RNF130: variants seen among roughly 807,000 people sequenced by gnomAD.
RNF130 encodes the protein E3 ubiquitin-protein ligase RNF130.
In RNF130, 21 loss-of-function variants were observed where a neutral mutation model predicts 44.6. That is an observed-to-expected ratio of 0.47 (90% confidence interval 0.33 to 0.68). The LOEUF is 0.68. Among genes scored for constraint, RNF130 ranks in the 30% least tolerant of loss-of-function variants. The pLI is 0.02. For synonymous variants in RNF130, 214 were observed against 210.4 expected (o/e 1.02, Z -0.15); for missense variants, 479 against 560.6 (o/e 0.85, Z 1.47).
rs530489474 is a variant in RNF130 at position 179,945,451 on chromosome 5, A to G, written c.1150+21355T>C. Among the ~76,000 whole-genome samples, 4 of 152,348 alleles carry G rather than the reference A, an allele frequency of 2.6e-5. No homozygotes were observed. In the South Asian group the frequency reaches 8.3e-4, roughly 32 times the overall value. On this transcript the variant is annotated intron_variant, in intron 7 of 7. Coordinates refer to the RNF130 transcript ENST00000522208. ...AGTTCATCTTTTCATACAAGGAAAG[A>G]GAAAACATTGCTGAGCAACACTAAA...
intron 7 of RNF130, among the ~76,000 whole-genome samples, chr5:179,926,865 A>G (rs1264010498): frequency 4.6e-5 from 7 of 152,150 alleles, no homozygotes; most frequent in Non-Finnish European, 1.0e-4. Flanking sequence ...ATTTCCAGGT[A>G]GACAGCGTTG....
intron 5 of RNF130, among the ~76,000 whole-genome samples, chr5:179,974,315 C>G (rs1286626765): frequency 1.3e-5 from 2 of 152,206 alleles, no homozygotes; most frequent in African/African-American, 2.4e-5. Context: ...AAACGTACTT[C>G]TAACGACTAC....
At chr5:180,010,976 T>A (rs1161279134) in intron 3 of RNF130, among the ~76,000 whole-genome samples, 1 of 152,234 alleles carries the variant, frequency 6.6e-6, no homozygotes, top group Non-Finnish European at 1.5e-5. Flanking sequence ...TTCCAGGTTA[T>A]GATACTGACC....
intron 2 of RNF130, among the ~76,000 whole-genome samples, chr5:180,014,583 T>C (rs1763670981): frequency 6.6e-6 from 1 of 152,210 alleles, no homozygotes; most frequent in Non-Finnish European, 1.5e-5. Flanking sequence ...CCTTCTTCAA[T>C]GAATAACACA....
chr5:179,937,933 T>TGTGTGTGA (rs1268947878), intron 7 of RNF130, among the ~76,000 whole-genome samples: 2,367 of 116,190 alleles, frequency 0.02, 33 homozygotes, highest in East Asian at 0.027. Flanking sequence ...TGTGTGTGTG[T>TGTGTGTGA]GAGAGAGAGA....
At chr5:179,998,157 TC>T (rs1763246593) in intron 3 of RNF130, among the ~76,000 whole-genome samples, 1 of 152,236 alleles carries the variant, frequency 6.6e-6, no homozygotes, top group Non-Finnish European at 1.5e-5. Context: ...CTTTTATAGT[TC>T]CTTGAGATGC....
intron 2 of RNF130, among the ~76,000 whole-genome samples, chr5:180,030,086 G>T (rs2113121132): frequency 6.6e-6 from 1 of 152,142 alleles, no homozygotes; most frequent in African/African-American, 2.4e-5. Context: ...GACCTCAGGT[G>T]ATCCGCCTAC....
intron 7 of RNF130, chr5:179,933,916 G>A (rs893119043): frequency 3.4e-6 from 2 of 582,724 alleles, no homozygotes; most frequent in African/African-American, 3.8e-5. Flanking sequence ...GTCAGAATGG[G>A]AGCAGACTGT....
chr5:179,963,660 A>G lies in RNF130; in HGVS notation c.1151-96T>C, dbSNP rs539394685. The G allele has an allele frequency of 4.6e-6, 4 of 873,128 alleles. No individual in the cohort carries two copies. The East Asian group carries it at 8.0e-5, about 17-fold the overall frequency. The allele number at this position is 873,128 out of a possible 1,614,324, so 54.1% of individuals were successfully genotyped here. On this transcript the variant is annotated intron_variant, in intron 7 of 8. Coordinates refer to ENST00000521389, the MANE Select transcript of RNF130 (RefSeq NM_018434.6). ...CTCAAATGCAACGAAGCAGACGTCA[A>G]CGGAGGTGTAAGCCAAGATTGGCCC...
chr5:179,944,556 C>T (rs1762011593), intron 7 of RNF130, among the ~76,000 whole-genome samples: 2 of 151,988 alleles, frequency 1.3e-5, no homozygotes, highest in East Asian at 1.9e-4. Context: ...CTCCACCTTC[C>T]GGGTTCAAGC....
chr5:179,974,309 G>A (rs932840764), intron 5 of RNF130, among the ~76,000 whole-genome samples: 1 of 152,266 alleles, frequency 6.6e-6, no homozygotes, highest in Middle Eastern at 3.4e-3. Context: ...TTCTGAAAAC[G>A]TACTTCTAAC....
intron 1 of RNF130, among the ~76,000 whole-genome samples, chr5:180,055,274 A>AAAAAAAC (rs1204181218): frequency 1.1e-4 from 2 of 17,578 alleles, no homozygotes; most frequent in African/African-American, 2.1e-4. Flanking sequence ...AAAAAAAAAA[A>AAAAAAAC]AAAAAACAAA....
intron 7 of RNF130, among the ~76,000 whole-genome samples, chr5:179,946,052 A>C (rs1422732811): frequency 1.3e-5 from 2 of 152,230 alleles, no homozygotes; most frequent in Non-Finnish European, 2.9e-5. Flanking sequence ...GCTTCCCATC[A>C]GCGTTTCGCT....
intron 3 of RNF130, among the ~76,000 whole-genome samples, chr5:179,983,076 T>C (rs1762874134): frequency 6.6e-6 from 1 of 152,242 alleles, no homozygotes; most frequent in Non-Finnish European, 1.5e-5. Context: ...TATTATTGAC[T>C]TTTGAGAGAA....
chr5:179,942,866 G>C (rs1761984438), intron 7 of RNF130, among the ~76,000 whole-genome samples: 1 of 152,206 alleles, frequency 6.6e-6, no homozygotes, highest in African/African-American at 2.4e-5. Context: ...GTGGATATAA[G>C]ATAGGGCTTT....
At chr5:180,064,225 G>A (rs1343163574) in intron 1 of RNF130, among the ~76,000 whole-genome samples, 1 of 152,166 alleles carries the variant, frequency 6.6e-6, no homozygotes, top group Non-Finnish European at 1.5e-5. Flanking sequence ...AAATTCCACA[G>A]CATGTCACTG....
At chr5:179,927,063 G>A (rs532827299) in intron 7 of RNF130, among the ~76,000 whole-genome samples, 8 of 152,328 alleles carry the variant, frequency 5.3e-5, no homozygotes, top group East Asian at 3.9e-4. Context: ...TCTAGTCACC[G>A]TCAGAAGTGG....
chr5:179,971,878 CG>C (rs1291202192), intron 5 of RNF130, among the ~76,000 whole-genome samples: 5 of 152,164 alleles, frequency 3.3e-5, no homozygotes, highest in Non-Finnish European at 7.4e-5. Flanking sequence ...TATACACACA[CG>C]TCTGCCTATC....
At chr5:179,950,360 A>C (rs1762107667), downstream of RNF130, among the ~76,000 whole-genome samples, 2 of 152,094 alleles carry the variant, frequency 1.3e-5, no homozygotes, top group Admixed American at 6.6e-5. Context: ...CAACTGATCC[A>C]CTTGCCTCAG....
Sources: gnomAD v4.1 joint callset for allele counts (sites outside exome capture counted in the v4.1 genomes callset) on GRCh38, gnomAD v4.1.1 for gene constraint, MANE v1.5 for transcripts, NCBI Gene and HGNC (gene_info 2026-07-23, HGNC 2026-07-21) for gene names.